Variants in PUS3 observed in about 807,000 individuals in gnomAD.
PUS3 encodes pseudouridine synthase 3.
A neutral mutation model predicts 43.3 loss-of-function variants in PUS3; 36 were observed. The ratio of observed to expected loss-of-function variants is 0.83; its 90% CI spans 0.64 to 1.10. PUS3 has a LOEUF of 1.10. Among genes scored for constraint, PUS3 ranks in the 50% least tolerant of loss-of-function variants. The pLI, the probability that PUS3 is intolerant of heterozygous loss-of-function variation, is 0.00. For synonymous variants in PUS3, 183 were observed against 199.2 expected (o/e 0.92, Z 0.69); for missense variants, 544 against 589.9 (o/e 0.92, Z 0.81).
At chr11:125,899,497 C>T (rs1944693116) in intron 1 of PUS3, 1 of 1,613,986 alleles carries the variant, frequency 6.2e-7, no homozygotes, top group Admixed American at 1.7e-5. Context: ...GGAGAGAAGC[C>T]CAATCTATCC....
chr11:125,895,786 T>C lies in PUS3; in HGVS notation c.382A>G (p.Ile128Val). Residue 128 changes from isoleucine to valine, a missense_variant, in exon 3 of 4, where the codon ATC (isoleucine) becomes GTC (valine). By Grantham distance (29) the Ile-to-Val change is conservative. Transcript: ENST00000227474. ...DKGVSAFGQV[I>V]SLDLRSQFPR... ...AACTGAGAGCGAAGGTCAAGTGAGA[T>C]CACCTGTGGAGTTAGACAAAGATAC... 1 of 1,596,180 alleles carries C rather than the reference T, an allele frequency of 6.3e-7. No individual in the cohort carries two copies. The highest frequency in any genetic ancestry group is 2.2e-5 in the East Asian group (1 of 44,862).
chr11:125,899,962 A>G, intron 1 of PUS3: 2 of 1,614,214 alleles, frequency 1.2e-6, no homozygotes, highest in Non-Finnish European at 1.7e-6. Flanking sequence ...TTATTCTCCC[A>G]AAGCTGGACC....
chr11:125,899,352 A>G (rs1203009227), intron 1 of PUS3: 1 of 1,612,594 alleles, frequency 6.2e-7, no homozygotes, highest in Admixed American at 1.7e-5. Flanking sequence ...AGAAGGTCCT[A>G]CAGTGTAGGG....
In PUS3 at chr11:125,893,681, G is replaced by T; in HGVS notation, c.*104C>A. The T allele has an allele frequency of 1.5e-5, 12 of 788,276 alleles. No homozygotes were observed. The highest frequency in any genetic ancestry group is 1.9e-5 in the Non-Finnish European group (10 of 538,792). 48.8% of individuals were successfully genotyped at this position (788,276 alleles called of 1,614,324 possible). Reference sequence around the variant, plus strand: ...TTTTGCTTTTTTTTTTCTTTTAAGAGCTGATCATCTGAATTCCTAGTACTT... The same window carrying T: ...TTTTGCTTTTTTTTTTCTTTTAAGATCTGATCATCTGAATTCCTAGTACTT... On this transcript the variant is annotated 3_prime_UTR_variant, in exon 4 of 4. Transcript: ENST00000227474.
In PUS3 at chr11:125,899,532, CAGT is replaced by C. The variant is rs774246149; in HGVS notation, c.-46-3205_-46-3203del. On this transcript the variant is annotated intron_variant, in intron 1 of 3. Transcript: ENST00000227474. The stretch of plus-strand genomic sequence containing the variant: ...CAATATGATCCCTACAGTAAAGCTT[CAGT>C]AGCCCCAGGGAAGCGACCTGCTCTT... 1.2e-5 allele frequency: 19 copies of C among 1,614,036 alleles called. No individual in the cohort carries two copies. The highest frequency in any genetic ancestry group is 1.5e-5 in the Non-Finnish European group (18 of 1,180,032).
chr11:125,901,892 G>T (rs1200459529), intron 1 of PUS3, among the ~76,000 whole-genome samples: 2 of 152,158 alleles, frequency 1.3e-5, no homozygotes, highest in African/African-American at 2.4e-5. Flanking sequence ...CACAGGGAAA[G>T]ATCAAAACCT....
chr11:125,895,771 G>A lies in PUS3; in HGVS notation c.397C>T (p.Arg133Cys), dbSNP rs781782331. 1.2e-5 allele frequency: 20 copies of A among 1,602,284 alleles called. No homozygotes were observed. Among genetic ancestry groups the A allele is most frequent in the South Asian group, 2.2e-5 (2 of 89,130 alleles). ...TCCCTGCCCCTTGGAAACTGAGAGC[G>A]AAGGTCAAGTGAGATCACCTGTGGA... ...AFGQVISLDL[R>C]SQFPRGRDSE... is the part of the protein sequence containing the mutation. The change falls in exon 3 of 4, where the codon CGC (arginine) becomes TGC (cysteine). Residue 133 changes from arginine (R) to cysteine (C), a missense_variant. Coordinates refer to ENST00000227474, the MANE Select transcript of PUS3 (RefSeq NM_031307.4).
chr11:125,899,854 A>T, intron 1 of PUS3: 1 of 1,614,184 alleles, frequency 6.2e-7, no homozygotes, highest in East Asian at 2.2e-5. Flanking sequence ...AATACCAAGG[A>T]ATTTCTCAAG....
Position 125,893,701 on chromosome 11 carries a change from G to T in PUS3, c.*84C>A, listed in dbSNP as rs1944478056. On this transcript the variant is annotated 3_prime_UTR_variant, in exon 4 of 4. Transcript: ENST00000227474. ...TAAGAGCTGATCATCTGAATTCCTA[G>T]TACTTGCAAGTAAATTTTTTTTTTT... The T allele has an allele frequency of 9.0e-5, 93 of 1,031,152 alleles. No homozygotes were observed. The highest frequency in any genetic ancestry group is 1.1e-4 in the Non-Finnish European group (82 of 739,256). The allele number at this position is 1,031,152 out of a possible 1,614,324, so 63.9% of individuals were successfully genotyped here.
chr11:125,901,471 AT>A (rs1363186196), intron 1 of PUS3, among the ~76,000 whole-genome samples: 2 of 152,254 alleles, frequency 1.3e-5, no homozygotes, highest in Non-Finnish European at 2.9e-5. Context: ...AACGGGGACC[AT>A]CTAAAATCTG....
chr11:125,893,688 A>G lies in PUS3; in HGVS notation c.*97T>C, dbSNP rs1591497577. The G allele has an allele frequency of 1.1e-6, 1 of 877,282 alleles. No homozygotes were observed. The highest frequency in any genetic ancestry group is 2.8e-5 in the East Asian group (1 of 35,290). The allele number at this position is 877,282 out of a possible 1,614,324, so 54.3% of individuals were successfully genotyped here. A position where few individuals can be genotyped will look rare whatever the true frequency, so the allele number is the denominator to read the frequency against. ...TTTTTTTTTCTTTTAAGAGCTGATC[A>G]TCTGAATTCCTAGTACTTGCAAGTA... On this transcript the variant is annotated 3_prime_UTR_variant, in exon 4 of 4. Coordinates refer to ENST00000227474, the MANE Select transcript of PUS3 (RefSeq NM_031307.4).
chr11:125,894,029 G>T lies in PUS3; in HGVS notation c.1202C>A (p.Ala401Asp). Residue 401 changes from alanine (A) to aspartate (D), a missense_variant, in exon 4 of 4, where the codon GCC becomes GAC. Ala to Asp is a moderately radical substitution (Grantham distance 126). Transcript: ENST00000227474. ...GCGCATCTTCACTCCTTCTACAAAG[G>T]CACTGGTCTGCTTTATGACAGAGGG... is the stretch of plus-strand genomic sequence containing the variant. ...VKPSVIKQTS[A>D]FVEGVKMRTY... The T allele has an allele frequency of 6.2e-7, 1 of 1,614,136 alleles. No homozygotes were observed. Among genetic ancestry groups the T allele is most frequent in the Admixed American group, 1.7e-5 (1 of 60,022 alleles).
chr11:125,898,537 TGGTGGCCCACA>T (rs1944660888), intron 1 of PUS3, among the ~76,000 whole-genome samples: 1 of 152,106 alleles, frequency 6.6e-6, no homozygotes, highest in Admixed American at 6.5e-5. Flanking sequence ...TAGCCAGGCG[TGGTGGCCCACA>T]CCTGTAGTAG....
rs749052952 is a variant in PUS3 at position 125,895,295 on chromosome 11, T to G, written c.873A>C (p.Gln291His). ...CMMAILFLIG[Q>H]GMEKPEIIDE... ...CAATAATCTCTGGCTTCTCCATTCC[T>G]TGGCCAATCAGAAAGAGGATAGCCA... The change falls in exon 3 of 4, where the codon CAA becomes CAC. Residue 291 changes from glutamine (Q) to histidine (H), a missense_variant. Transcript: ENST00000227474. 3.4e-5 allele frequency: 55 copies of G among 1,613,504 alleles called. No individual in the cohort carries two copies. The highest frequency in any genetic ancestry group is 4.4e-5 in the Non-Finnish European group (52 of 1,179,846).
intron 1 of PUS3, among the ~76,000 whole-genome samples, chr11:125,902,870 C>A (rs1194154492): frequency 6.6e-6 from 1 of 152,084 alleles, no homozygotes; most frequent in Non-Finnish European, 1.5e-5. Flanking sequence ...CTAAGTGGGG[C>A]AGCAGAGCAC....
chr11:125,899,995 G>A, intron 1 of PUS3: 2 of 1,614,252 alleles, frequency 1.2e-6, no homozygotes, highest in Non-Finnish European at 1.7e-6. Flanking sequence ...ACCGGGGCAA[G>A]ACAGACCGGG....
At chr11:125,896,727 G>A (rs1303678775) in intron 1 of PUS3, among the ~76,000 whole-genome samples, 2 of 151,936 alleles carry the variant, frequency 1.3e-5, no homozygotes, top group African/African-American at 4.8e-5. Flanking sequence ...TCTTTATATG[G>A]GCTACTTTTA....
At chr11:125,898,446 G>A (rs1016376788) in intron 1 of PUS3, among the ~76,000 whole-genome samples, 2 of 152,142 alleles carry the variant, frequency 1.3e-5, no homozygotes, top group African/African-American at 4.8e-5. Flanking sequence ...AGGCCGAGGC[G>A]GGTGGGTTGC....
rs780100387 is a variant in PUS3, at chr11:125,895,550, A to T, written c.618T>A (p.Ile206=). ...RYFFPRADLD[I]VTMDYAAQKY... ...TCTGAGCTGCATAATCCATGGTTAC[A>T]ATATCTAAATCAGCACGAGGGAAAA... The change falls in exon 3 of 4, where the codon ATT becomes ATA. Residue 206 remains isoleucine, a synonymous_variant. Transcript: ENST00000227474. The T allele has an allele frequency of 1.9e-6, 3 of 1,614,214 alleles. No individual in the cohort carries two copies. Among genetic ancestry groups the T allele is most frequent in the Non-Finnish European group, 2.5e-6 (3 of 1,180,044 alleles).
Sources: allele counts gnomAD v4.1 joint callset (sites outside exome capture counted in the v4.1 genomes callset), GRCh38; gene constraint gnomAD v4.1.1; transcripts MANE v1.5; gene names NCBI Gene and HGNC (gene_info 2026-07-23, HGNC 2026-07-21).